SEMA3E: variants seen among roughly 807,000 people sequenced by gnomAD.
The protein encoded by SEMA3E is semaphorin 3E.
In SEMA3E, 49 loss-of-function variants were observed where a neutral mutation model predicts 93.6. The ratio of observed to expected loss-of-function variants is 0.52; its 90% CI spans 0.42 to 0.66. The LOEUF (loss-of-function observed/expected upper bound fraction) is 0.66. Ranked by LOEUF, SEMA3E falls within the 30% of genes least tolerant of loss-of-function variation. The probability of loss-of-function intolerance (pLI) is 0.00; values close to 1 mark genes in which losing one functional copy is unlikely to be tolerated. For missense variants in SEMA3E, 906 were observed against 964.8 expected (o/e 0.94, Z 0.81); for synonymous variants, 363 against 330.7 (o/e 1.10, Z -1.06).
At chr7:83,531,287 T>TTG (rs199871947) in intron 1 of SEMA3E, among the ~76,000 whole-genome samples, 24 of 104,504 alleles carry the variant, frequency 2.3e-4, no homozygotes, top group Non-Finnish European at 4.7e-4. Flanking sequence ...ATTCATAGTT[T>TTG]TTTTTTTTTT....
chr7:83,385,188 T>C (rs1462065292), intron 16 of SEMA3E, 106 bp downstream of exon 16: 4 of 1,210,648 alleles, frequency 3.3e-6, no homozygotes, highest in African/African-American at 1.5e-5. Flanking sequence ...AAGGCATGCA[T>C]AGTACAACAG....
chr7:83,468,402 C>A (rs1789817339), intron 3 of SEMA3E, among the ~76,000 whole-genome samples: 3 of 152,138 alleles, frequency 2.0e-5, no homozygotes. Flanking sequence ...CTCAGCTGAG[C>A]TAGATTGACA....
At chr7:83,436,744 G>T (rs1210591902) in intron 4 of SEMA3E, among the ~76,000 whole-genome samples, 3 of 152,038 alleles carry the variant, frequency 2.0e-5, no homozygotes, top group Admixed American at 6.5e-5. Context: ...TTTTCTTTTT[G>T]TTGTTATTCT....
intron 1 of SEMA3E, among the ~76,000 whole-genome samples, chr7:83,577,903 T>C (rs60878929): frequency 0.016 from 2,496 of 152,242 alleles, 76 homozygotes; most frequent in African/African-American, 0.057. Flanking sequence ...CAAAAATGTC[T>C]TCATTTACAA....
rs2709939 is a variant in SEMA3E, at chr7:83,406,882, G to C, written c.813+215C>G. 0.51 allele frequency among the ~76,000 whole-genome samples: 76,907 copies of C among 151,968 alleles called. 22,358 individuals carry two copies. The highest frequency in any genetic ancestry group is 0.85 in the East Asian group (4,389 of 5,168). On this transcript the variant is annotated intron_variant, in intron 7 of 16. Coordinates refer to ENST00000643230, the MANE Select transcript of SEMA3E (RefSeq NM_012431.3). Reference sequence around the variant, plus strand: ...TCATAGACGATTTCTTCTTGGTATAGCTTCAAAAATGGGGAAAATCATGCA... The same window carrying C: ...TCATAGACGATTTCTTCTTGGTATACCTTCAAAAATGGGGAAAATCATGCA...
chr7:83,633,092 C>A (rs1428454685), intron 1 of SEMA3E, among the ~76,000 whole-genome samples: 1 of 151,968 alleles, frequency 6.6e-6, no homozygotes, highest in African/African-American at 2.4e-5. Context: ...AATGCTAAAT[C>A]CATAGGTTGA....
chr7:83,395,068 C>A (rs1788096499), intron 12 of SEMA3E, among the ~76,000 whole-genome samples: 1 of 152,180 alleles, frequency 6.6e-6, no homozygotes, highest in Non-Finnish European at 1.5e-5. Flanking sequence ...TCCTCTATGT[C>A]AGTGTTTTTT....
chr7:83,444,922 T>G (rs183863176), intron 4 of SEMA3E, among the ~76,000 whole-genome samples: 1 of 152,118 alleles, frequency 6.6e-6, no homozygotes, highest in East Asian at 1.9e-4. Flanking sequence ...GCGCCCGTTT[T>G]GGCCTCCCAA....
rs539964733 is a variant in SEMA3E, at chr7:83,374,108, A to G, written c.1876-6070T>C. 3.3e-5 allele frequency among the ~76,000 whole-genome samples: 5 copies of G among 150,118 alleles called. No homozygotes were observed. In the South Asian group the frequency reaches 1.1e-3, roughly 32 times the overall value. The stretch of plus-strand genomic sequence containing the variant: ...GTAAACCCAGCTACTCGGGAGGCTG[A>G]GGCAAGAGATTTGCTTGAACCCAGG... On this transcript the variant is annotated intron_variant, in intron 16 of 16. Transcript: ENST00000643230.
chr7:83,373,543 G>T (rs1276817697), intron 16 of SEMA3E, among the ~76,000 whole-genome samples: 1 of 152,086 alleles, frequency 6.6e-6, no homozygotes, highest in Non-Finnish European at 1.5e-5. Flanking sequence ...CTAGTAGACA[G>T]GATGAATTGT....
intron 4 of SEMA3E, among the ~76,000 whole-genome samples, chr7:83,454,272 A>AAAAAAATAT (rs1257792756): frequency 1.8e-5 from 2 of 110,110 alleles, no homozygotes; most frequent in African/African-American, 8.7e-5. Context: ...AAAAAAAAAA[A>AAAAAAATAT]ATATATATAT....
intron 1 of SEMA3E, among the ~76,000 whole-genome samples, chr7:83,583,827 G>T (rs2115919595): frequency 6.6e-6 from 1 of 152,240 alleles, no homozygotes; most frequent in African/African-American, 2.4e-5. Context: ...TGTTCATTAT[G>T]CCTGCGTGGT....
At chr7:83,445,311 A>G (rs1182780372) in intron 4 of SEMA3E, among the ~76,000 whole-genome samples, 1 of 152,224 alleles carries the variant, frequency 6.6e-6, no homozygotes, top group Admixed American at 6.5e-5. Flanking sequence ...TATAATTTTT[A>G]TTTCAGAATA....
At chr7:83,503,984 C>T (rs536690062) in intron 1 of SEMA3E, among the ~76,000 whole-genome samples, 1 of 152,110 alleles carries the variant, frequency 6.6e-6, no homozygotes, top group South Asian at 2.1e-4. Flanking sequence ...TAATAAAGAC[C>T]GTCAGTCTTA....
At chr7:83,456,661 C>T (rs1253010117) in intron 4 of SEMA3E, among the ~76,000 whole-genome samples, 11 of 147,166 alleles carry the variant, frequency 7.5e-5, no homozygotes, top group South Asian at 2.1e-4. Flanking sequence ...TTGCCCAGGC[C>T]GGAGTGCAAT....
At chr7:83,383,706 T>C (rs551272652) in intron 16 of SEMA3E, among the ~76,000 whole-genome samples, 21 of 152,098 alleles carry the variant, frequency 1.4e-4, no homozygotes, top group South Asian at 6.2e-4. Flanking sequence ...AACCTTATAA[T>C]TGAACATTGA....
intron 16 of SEMA3E, among the ~76,000 whole-genome samples, chr7:83,379,046 C>G (rs1787718941): frequency 6.6e-6 from 1 of 151,736 alleles, no homozygotes; most frequent in Non-Finnish European, 1.5e-5. Flanking sequence ...CATATATGTG[C>G]TATGGAATAC....
At chr7:83,420,023 A>G (rs1267612600) in intron 4 of SEMA3E, among the ~76,000 whole-genome samples, 1 of 152,182 alleles carries the variant, frequency 6.6e-6, no homozygotes, top group African/African-American at 2.4e-5. Flanking sequence ...TCACTGATTG[A>G]TTCTATACCT....
At chr7:83,387,836 AACGTTATATATATGTTTATATATATAT>A (rs1359737240) in intron 14 of SEMA3E, among the ~76,000 whole-genome samples, 202 of 142,484 alleles carry the variant, frequency 1.4e-3, no homozygotes, top group Non-Finnish European at 2.5e-3. Flanking sequence ...ATATATATAT[AACGTTATATATATGTTTATATATATAT>A]AACATTATAT....
Sources: allele counts gnomAD v4.1 joint callset (sites outside exome capture counted in the v4.1 genomes callset), GRCh38; gene constraint gnomAD v4.1.1; transcripts MANE v1.5; gene names NCBI Gene and HGNC (gene_info 2026-07-23, HGNC 2026-07-21).